Variants in FMN1 observed in about 807,000 individuals in gnomAD.
FMN1 encodes the protein formin-1.
A neutral mutation model predicts 132.4 loss-of-function variants in FMN1; 110 were observed. The ratio of observed to expected loss-of-function variants is 0.83; its 90% CI spans 0.71 to 0.97. FMN1 has a LOEUF of 0.97. Among genes scored for constraint, FMN1 ranks in the 50% least tolerant of loss-of-function variants. FMN1 has a pLI of 0.00. For missense variants in FMN1, 1,792 were observed against 1,705.3 expected, an observed-to-expected ratio of 1.05 and a Z score of -0.90; for synonymous variants, 722 against 651.7, an observed-to-expected ratio of 1.11 and a Z score of -1.64.
intron 6 of FMN1, among the ~76,000 whole-genome samples, chr15:33,018,467 G>A (rs985919894): frequency 3.3e-5 from 5 of 152,108 alleles, no homozygotes; most frequent in South Asian, 2.1e-4. Context: ...TCACCCATGC[G>A]TACATAATAG....
chr15:32,921,528 G>A (rs1009366725), intron 10 of FMN1, among the ~76,000 whole-genome samples: 4 of 152,048 alleles, frequency 2.6e-5, no homozygotes, highest in Non-Finnish European at 5.9e-5. Context: ...TAGATTTCTT[G>A]TCCCCATTAC....
At position 32,771,928 on chromosome 15, in the gene FMN1, G is replaced by C. The variant is rs1181926543; in HGVS notation, c.*2382C>G. The stretch of plus-strand genomic sequence containing the variant: ...GTGGTACATTGGTGGACTTGGGAGG[G>C]GGCATCCCAGATACATGATGCAGGG... On this transcript the variant is annotated 3_prime_UTR_variant, in exon 21 of 21. Transcript: ENST00000616417. The C allele has an allele frequency of 6.6e-6, 1 of 152,224 alleles. No homozygotes were observed. Among genetic ancestry groups the C allele is most frequent in the East Asian group, 1.9e-4 (1 of 5,166 alleles). 9.4% of individuals were successfully genotyped at this position (152,224 alleles called of 1,614,324 possible).
At chr15:33,103,383 T>C (rs2039366958) in intron 4 of FMN1, among the ~76,000 whole-genome samples, 1 of 152,062 alleles carries the variant, frequency 6.6e-6, no homozygotes, top group African/African-American at 2.4e-5. Flanking sequence ...ACTATAAAGA[T>C]TAAAGAGTTA....
chr15:32,783,609 GGT>G (rs1264862549), intron 19 of FMN1, among the ~76,000 whole-genome samples: 8 of 152,106 alleles, frequency 5.3e-5, no homozygotes, highest in Middle Eastern at 3.4e-3. Context: ...CAGATGTGGT[GGT>G]GGGCGCCTGT....
At chr15:33,130,710 G>A (rs2140225406) in intron 4 of FMN1, among the ~76,000 whole-genome samples, 1 of 152,336 alleles carries the variant, frequency 6.6e-6, no homozygotes, top group East Asian at 1.9e-4. Context: ...TCTCCAGTAT[G>A]TATGTAATAC....
chr15:33,067,983 G>A (rs757828904), intron 5 of FMN1: 5 of 1,482,828 alleles, frequency 3.4e-6, no homozygotes, highest in Non-Finnish European at 4.4e-6. Flanking sequence ...AGGACAGAGA[G>A]CAACAGGACC....
chr15:33,037,531 C>T (rs542727174), intron 6 of FMN1, among the ~76,000 whole-genome samples: 4 of 152,238 alleles, frequency 2.6e-5, no homozygotes, highest in African/African-American at 7.2e-5. Flanking sequence ...TCCTTTGTAA[C>T]CTTAGGCTCT....
chr15:32,878,917 A>T (rs1030030505), intron 16 of FMN1, among the ~76,000 whole-genome samples: 3 of 152,234 alleles, frequency 2.0e-5, no homozygotes, highest in Admixed American at 2.0e-4. Flanking sequence ...GAGAGGAGGA[A>T]ACCAGGACAA....
intron 5 of FMN1, among the ~76,000 whole-genome samples, chr15:33,069,227 C>A (rs2141268670): frequency 6.6e-6 from 1 of 152,298 alleles, no homozygotes; most frequent in South Asian, 2.1e-4. Context: ...AAACTGGCAA[C>A]AAAGGATGGG....
chr15:33,043,379 A>G (rs2036530242), intron 6 of FMN1, among the ~76,000 whole-genome samples: 2 of 152,220 alleles, frequency 1.3e-5, no homozygotes, highest in African/African-American at 2.4e-5. Flanking sequence ...CTGTGTTCAA[A>G]TAAGACAAAT....
At chr15:33,005,717 G>C (rs1423144049) in intron 7 of FMN1, among the ~76,000 whole-genome samples, 3 of 152,180 alleles carry the variant, frequency 2.0e-5, no homozygotes, top group Non-Finnish European at 4.4e-5. Context: ...GTTACAACTT[G>C]GCTGTTAACA....
intron 17 of FMN1, among the ~76,000 whole-genome samples, chr15:32,832,804 T>C (rs1288047283): frequency 6.6e-6 from 1 of 152,120 alleles, no homozygotes; most frequent in Non-Finnish European, 1.5e-5. Flanking sequence ...TTGGAATTGC[T>C]GATAATCCAA....
chr15:33,079,067 G>A (rs942103307), intron 5 of FMN1, among the ~76,000 whole-genome samples: 1 of 152,098 alleles, frequency 6.6e-6, no homozygotes, highest in Non-Finnish European at 1.5e-5. Flanking sequence ...ACAATTCCTA[G>A]AAAAATTCCT....
intron 17 of FMN1, among the ~76,000 whole-genome samples, chr15:32,835,621 TG>T (rs201875570): frequency 0.024 from 3,649 of 152,302 alleles, 43 homozygotes; most frequent in African/African-American, 0.043. Context: ...ATAGATGTTA[TG>T]GGGTGATTCC....
At position 33,098,625 on chromosome 15, in the gene FMN1, C is replaced by T. The variant is rs375809394; in HGVS notation, c.1868-9651G>A. On this transcript the variant is annotated intron_variant, in intron 4 of 20. Coordinates refer to ENST00000616417, the MANE Select transcript of FMN1 (RefSeq NM_001277313.2). ...AGTTAGCTTTTTAGTACCCACACCTCACGCAGGTAGACAACCAATGATTAT... is the reference window on the plus strand; with the variant it reads ...AGTTAGCTTTTTAGTACCCACACCTTACGCAGGTAGACAACCAATGATTAT... Among the ~76,000 whole-genome samples the T allele has an allele frequency of 2.0e-4, 30 of 152,324 alleles. No homozygotes were observed. The South Asian group carries it at 6.0e-3, about 30-fold the overall frequency.
chr15:32,906,704 C>T (rs764690551), intron 12 of FMN1, among the ~76,000 whole-genome samples: 12 of 152,074 alleles, frequency 7.9e-5, no homozygotes, highest in Admixed American at 1.3e-4. Context: ...TCATTAGCAC[C>T]GTAAGAGGGA....
chr15:33,146,278 T>G (rs1964217479), intron 4 of FMN1, among the ~76,000 whole-genome samples: 1 of 152,158 alleles, frequency 6.6e-6, no homozygotes, highest in South Asian at 2.1e-4. Context: ...GTTCTTTCAT[T>G]TCTTTTTGCC....
At chr15:33,017,519 CCTA>C (rs1486509143) in intron 6 of FMN1, among the ~76,000 whole-genome samples, 2 of 151,854 alleles carry the variant, frequency 1.3e-5, no homozygotes, top group Non-Finnish European at 2.9e-5. Flanking sequence ...AGTGAGTCAA[CCTA>C]CTATGTTGTT....
chr15:32,899,507 G>C (rs2060244003), intron 14 of FMN1, among the ~76,000 whole-genome samples: 1 of 152,192 alleles, frequency 6.6e-6, no homozygotes, highest in Non-Finnish European at 1.5e-5. Context: ...CGCCACAGGG[G>C]TGTGGAGCCA....
Sources: gnomAD v4.1 joint callset for allele counts (sites outside exome capture counted in the v4.1 genomes callset) on GRCh38, gnomAD v4.1.1 for gene constraint, MANE v1.5 for transcripts, NCBI Gene and HGNC (gene_info 2026-07-23, HGNC 2026-07-21) for gene names.